ATXN2: variants seen among roughly 807,000 people sequenced by gnomAD.
ATXN2 encodes the protein ataxin 2, also known as ataxin-2.
Under a neutral mutation model 138.6 loss-of-function variants are expected in ATXN2, and 37 were observed. That is an observed-to-expected ratio of 0.27 (90% CI 0.21 to 0.35). ATXN2 has a LOEUF of 0.35. Ranked by LOEUF, ATXN2 falls within the 10% of genes least tolerant of loss-of-function variation. ATXN2 has a pLI of 1.00. For missense variants in ATXN2, 1,216 were observed against 1,480.3 expected, an observed-to-expected ratio of 0.82 and a Z score of 2.93; for synonymous variants, 549 against 543.7, an observed-to-expected ratio of 1.01 and a Z score of -0.13.
intron 1 of ATXN2, among the ~76,000 whole-genome samples, chr12:111,560,495 G>A (rs1882622655): frequency 6.6e-6 from 1 of 152,064 alleles, no homozygotes; most frequent in South Asian, 2.1e-4. Context: ...TAACAGCTGG[G>A]TACAGTCAGG....
chr12:111,575,281 G>C (rs1290784872), intron 1 of ATXN2, among the ~76,000 whole-genome samples: 1 of 152,106 alleles, frequency 6.6e-6, no homozygotes, highest in Admixed American at 6.6e-5. Flanking sequence ...TAACTCCTGA[G>C]CTCAAGCAAT....
At chr12:111,506,079 G>A (rs1258838226) in intron 14 of ATXN2, among the ~76,000 whole-genome samples, 1 of 152,160 alleles carries the variant, frequency 6.6e-6, no homozygotes, top group Non-Finnish European at 1.5e-5. Context: ...CTGAGTGAAA[G>A]AAGCCAGTCA....
intron 14 of ATXN2, among the ~76,000 whole-genome samples, chr12:111,492,589 G>A (rs1231403950): frequency 6.6e-6 from 1 of 152,114 alleles, no homozygotes; most frequent in Non-Finnish European, 1.5e-5. Context: ...GGCTGAGGCA[G>A]GAGAATTGCT....
chr12:111,515,481 C>A (rs1301485566), intron 10 of ATXN2, among the ~76,000 whole-genome samples: 1 of 152,058 alleles, frequency 6.6e-6, no homozygotes, highest in Non-Finnish European at 1.5e-5. Context: ...AGATTTTATT[C>A]TTATTTTTGA....
rs190327148 is a variant in ATXN2, at chr12:111,481,377, G to A, written c.2524+3888C>T. Among the ~76,000 whole-genome samples, 684 of 152,256 alleles carry A rather than the reference G, an allele frequency of 4.5e-3. 3 individuals carry two copies. The highest frequency in any genetic ancestry group is 0.015 in the African/African-American group (633 of 41,544). The stretch of plus-strand genomic sequence containing the variant: ...GGAGAATTGCTTGAACCCAGGAAGC[G>A]AAGGCTGCAGTGAGCCGAGATTGTG... On this transcript the variant is annotated intron_variant, in intron 18 of 24. Coordinates refer to ENST00000673436, the MANE Select transcript of ATXN2 (RefSeq NM_001372574.1).
rs970072012 is a variant in ATXN2 at position 111,502,636 on chromosome 12, G to A, written c.1935+6913C>T. ...AGTAGAGATGGGGTTTCATCATGTC[G>A]GCCAGGCTGGTCTGGAACTCCTGAC... is the stretch of plus-strand genomic sequence containing the variant. On this transcript the variant is annotated intron_variant, in intron 14 of 24. Coordinates refer to ENST00000673436, the MANE Select transcript of ATXN2 (RefSeq NM_001372574.1). Among the ~76,000 whole-genome samples the A allele has an allele frequency of 7.2e-5, 11 of 151,900 alleles. No homozygotes were observed. In the East Asian group the frequency reaches 1.6e-3, roughly 21 times the overall value.
intron 1 of ATXN2, among the ~76,000 whole-genome samples, chr12:111,583,934 A>C (rs1282144413): frequency 3.9e-5 from 6 of 152,150 alleles, no homozygotes; most frequent in Admixed American, 2.0e-4. Flanking sequence ...TTCATCAAAA[A>C]TTCAAATTTA....
At chr12:111,496,800 T>C (rs558681927) in intron 14 of ATXN2, among the ~76,000 whole-genome samples, 3 of 151,944 alleles carry the variant, frequency 2.0e-5, no homozygotes, top group Non-Finnish European at 4.4e-5. Context: ...AAAAACTTCA[T>C]CTGCCAATAC....
At position 111,470,047 on chromosome 12, in the gene ATXN2, TC is replaced by T. The variant is rs1876296147; in HGVS notation, c.2842+60del. The T allele has an allele frequency of 3.3e-6, 5 of 1,522,754 alleles. No homozygotes were observed. In the South Asian group the frequency reaches 6.5e-5, roughly 20 times the overall value. The allele number at this position is 1,522,754 out of a possible 1,614,324, so 94.3% of individuals were successfully genotyped here. A position where few individuals can be genotyped will look rare whatever the true frequency, so the allele number is the denominator to read the frequency against. On this transcript the variant is annotated intron_variant, in intron 20 of 24. Transcript: ENST00000673436. ...GGTTATTCTTAGATAGAGTATGTTT[TC>T]AGAAACTTAAATTAAGAAGAGTCAC...
rs555207656 is a variant in ATXN2, at chr12:111,520,258, T to G, written c.789-182A>C. Among the ~76,000 whole-genome samples, 14 of 152,342 alleles carry G rather than the reference T, an allele frequency of 9.2e-5. No homozygotes were observed. The South Asian group carries it at 2.7e-3, about 29-fold the overall frequency. On this transcript the variant is annotated intron_variant, in intron 7 of 24. Transcript: ENST00000673436. ...TTTATAAATCAAAATTCTAACTTTTTTTTCTGTTACCTTTTCTCCAGAGGA... is the reference window on the plus strand; with the variant it reads ...TTTATAAATCAAAATTCTAACTTTTGTTTCTGTTACCTTTTCTCCAGAGGA...
At chr12:111,588,981 C>A (rs1262513886) in intron 1 of ATXN2, among the ~76,000 whole-genome samples, 2 of 89,352 alleles carry the variant, frequency 2.2e-5, no homozygotes, top group African/African-American at 3.8e-5. Context: ...GGCGACAGAG[C>A]GAGATTTCTC....
intron 1 of ATXN2, among the ~76,000 whole-genome samples, chr12:111,594,483 C>T (rs771421558): frequency 5.1e-4 from 77 of 151,988 alleles, no homozygotes; most frequent in Admixed American, 1.2e-3. Flanking sequence ...GGATTACAGG[C>T]GCCTGGCTAA....
chr12:111,453,535 C>T lies in ATXN2; in HGVS notation c.3439+142G>A, dbSNP rs903101274. ...GGCCCTGATGCTGAACTGATCGTCACAGTCCCTCCTGTGCACACTCCTGGA... is the reference window on the plus strand; with the variant it reads ...GGCCCTGATGCTGAACTGATCGTCATAGTCCCTCCTGTGCACACTCCTGGA... On this transcript the variant is annotated intron_variant, in intron 24 of 24. Coordinates refer to ENST00000673436, the MANE Select transcript of ATXN2 (RefSeq NM_001372574.1). The surrounding 1 kb of genome is among the most constrained non-coding windows in gnomAD (Gnocchi z 5.4). 2.1e-6 allele frequency: 3 copies of T among 1,398,484 alleles called. No individual in the cohort carries two copies. Among genetic ancestry groups the T allele is most frequent in the Non-Finnish European group, 1.9e-6 (2 of 1,078,524 alleles). The allele number at this position is 1,398,484 out of a possible 1,614,324, so 86.6% of individuals were successfully genotyped here.
In ATXN2 at chr12:111,452,769, A is replaced by AC. The variant is rs774613038; in HGVS notation, c.*42_*43insG. The stretch of plus-strand genomic sequence containing the variant: ...TGCTTCCAGTTGGTAGAAGCAGTAG[A>AC]AGGGAGGAGGGAATTTGGCCTTTCG... On this transcript the variant is annotated 3_prime_UTR_variant, in exon 25 of 25. Coordinates refer to ENST00000673436, the MANE Select transcript of ATXN2 (RefSeq NM_001372574.1). The AC allele has an allele frequency of 1.9e-6, 3 of 1,578,708 alleles. No individual in the cohort carries two copies. The African/African-American group carries it at 4.1e-5, about 21-fold the overall frequency.
chr12:111,464,686 T>A lies in ATXN2; in HGVS notation c.2872A>T (p.Thr958Ser). Residue 958 changes from threonine to serine, a missense_variant, in exon 21 of 25, where the codon ACA becomes TCA. By Grantham distance (58) the Thr-to-Ser change is moderately conservative. Transcript: ENST00000673436. Reference sequence around the variant, plus strand: ...CTGGCAAAGTAGAAAGAAGGGCTTGTCTCCTTGTTGTATGGTAATTTGGGA... The same window carrying A: ...CTGGCAAAGTAGAAAGAAGGGCTTGACTCCTTGTTGTATGGTAATTTGGGA... ...ACPKLPYNKETSPSFYFAIST... is the reference protein window; with the variant it reads ...ACPKLPYNKESSPSFYFAIST... 1 of 1,611,502 alleles carries A rather than the reference T, an allele frequency of 6.2e-7. No homozygotes were observed. Among genetic ancestry groups the A allele is most frequent in the Non-Finnish European group, 8.5e-7 (1 of 1,178,040 alleles).
chr12:111,549,741 A>G (rs372634376), intron 5 of ATXN2, among the ~76,000 whole-genome samples: 2 of 152,150 alleles, frequency 1.3e-5, no homozygotes, highest in African/African-American at 4.8e-5. Flanking sequence ...ACGCAATTGT[A>G]TAATTCACTA....
In ATXN2 at chr12:111,509,961, A is replaced by T. The variant is rs756504569; in HGVS notation, c.1794T>A (p.Ser598=). The stretch of plus-strand genomic sequence containing the variant: ...TAATATTTTCTTTATTCCCTGCAGG[A>T]GAGTTCTGCCTCTGATCTTGAAGCC... ...DSRLQDQRQN[S]PAGNKENIKP... is the part of the protein sequence containing the mutation. The change falls in exon 13 of 25, where the codon TCT becomes TCA. Residue 598 remains serine, a synonymous_variant. Coordinates refer to ENST00000673436, the MANE Select transcript of ATXN2 (RefSeq NM_001372574.1). 6.2e-7 allele frequency: 1 copy of T among 1,612,764 alleles called. No individual in the cohort carries two copies. The highest frequency in any genetic ancestry group is 1.3e-5 in the African/African-American group (1 of 74,882).
chr12:111,452,357 T>C lies in ATXN2; in HGVS notation c.*455A>G, dbSNP rs746077387. On this transcript the variant is annotated 3_prime_UTR_variant, in exon 25 of 25. Transcript: ENST00000673436. ...CTCATCAAACTTGATTTATAAATAA[T>C]AATCCGTCAGTTTGACGGTAAGAAT... 111 of 154,174 alleles carry C rather than the reference T, an allele frequency of 7.2e-4. 3 individuals are homozygous for C. The highest frequency in any genetic ancestry group is 1.0e-4 in the Non-Finnish European group (7 of 69,092). 9.6% of individuals were successfully genotyped at this position (154,174 alleles called of 1,614,324 possible).
chr12:111,520,462 C>A (rs936013369), intron 7 of ATXN2, among the ~76,000 whole-genome samples: 1 of 152,044 alleles, frequency 6.6e-6, no homozygotes, highest in Non-Finnish European at 1.5e-5. Context: ...ACTATCCTGG[C>A]CAACATGGTG....
Sources: allele counts gnomAD v4.1 joint callset (sites outside exome capture counted in the v4.1 genomes callset), GRCh38; gene constraint gnomAD v4.1.1; non-coding constraint Gnocchi (gnomAD v3.1); transcripts MANE v1.5; gene names NCBI Gene and HGNC (gene_info 2026-07-23, HGNC 2026-07-21).